The following CACNA2D1 variants were observed in gnomAD, a reference collection of about 807,000 sequenced individuals.
The protein encoded by CACNA2D1 is calcium voltage-gated channel auxiliary subunit alpha2delta 1, also known as voltage-dependent calcium channel subunit alpha-2/delta-1.
CACNA2D1 carries 53 observed loss-of-function variants against 171.5 expected under a neutral mutation model. That is an observed-to-expected ratio of 0.31 (90% CI 0.25 to 0.39). CACNA2D1 has a LOEUF of 0.39. CACNA2D1 is among the 10% of genes least tolerant of loss of function. The pLI, the probability that CACNA2D1 is intolerant of heterozygous loss-of-function variation, is 1.00. For missense variants in CACNA2D1, 903 were observed against 1,299.8 expected (o/e 0.69, Z 4.69); for synonymous variants, 442 against 443.1 (o/e 1.00, Z 0.03).
intron 4 of CACNA2D1, among the ~76,000 whole-genome samples, chr7:82,154,344 G>A (rs561686616): frequency 6.6e-6 from 1 of 152,214 alleles, no homozygotes; most frequent in East Asian, 1.9e-4. Context: ...AGAGAACAAA[G>A]AACCTGAGAT....
chr7:82,325,032 G>A (rs1816476467), intron 3 of CACNA2D1, among the ~76,000 whole-genome samples: 1 of 152,180 alleles, frequency 6.6e-6, no homozygotes, highest in Non-Finnish European at 1.5e-5. Context: ...GCTGTCAGCA[G>A]AAAACATGCA....
intron 6 of CACNA2D1, among the ~76,000 whole-genome samples, chr7:82,102,978 G>A (rs898392166): frequency 5.3e-5 from 8 of 151,990 alleles, no homozygotes; most frequent in Admixed American, 2.0e-4. Context: ...TAGAAAATCC[G>A]TGACTTTTAA....
chr7:82,322,738 A>G (rs1816150630), intron 3 of CACNA2D1, among the ~76,000 whole-genome samples: 1 of 152,266 alleles, frequency 6.6e-6, no homozygotes, highest in Non-Finnish European at 1.5e-5. Flanking sequence ...AAAGAATCAT[A>G]GAAATCTTAT....
At chr7:82,168,605 A>G (rs1183212489) in intron 4 of CACNA2D1, among the ~76,000 whole-genome samples, 4 of 152,080 alleles carry the variant, frequency 2.6e-5, no homozygotes, top group Non-Finnish European at 5.9e-5. Context: ...AGAAAACAAA[A>G]TAATTGCCAA....
chr7:82,331,788 A>G (rs1817329258), intron 3 of CACNA2D1, among the ~76,000 whole-genome samples: 1 of 152,164 alleles, frequency 6.6e-6, no homozygotes, highest in African/African-American at 2.4e-5. Flanking sequence ...TTAAGAGACT[A>G]TGATGTCCAA....
intron 10 of CACNA2D1, among the ~76,000 whole-genome samples, chr7:82,048,755 T>C (rs116777790): frequency 0.01 from 1,553 of 152,192 alleles, 26 homozygotes; most frequent in African/African-American, 0.036. Context: ...CCTACATCTA[T>C]TGCTCAGGCC....
chr7:82,407,777 T>C (rs867202662), intron 1 of CACNA2D1, among the ~76,000 whole-genome samples: 1 of 152,154 alleles, frequency 6.6e-6, no homozygotes, highest in Non-Finnish European at 1.5e-5. Flanking sequence ...CTGTAGAACA[T>C]AGTATTTGTT....
At chr7:82,383,572 A>T (rs1050456571) in intron 1 of CACNA2D1, among the ~76,000 whole-genome samples, 7 of 152,214 alleles carry the variant, frequency 4.6e-5, no homozygotes, top group Non-Finnish European at 1.0e-4. Flanking sequence ...CTTCATACAT[A>T]CAAAATGAAA....
intron 20 of CACNA2D1, among the ~76,000 whole-genome samples, chr7:81,993,358 A>G (rs1403851020): frequency 2.6e-5 from 4 of 152,176 alleles, no homozygotes; most frequent in Non-Finnish European, 2.9e-5. Flanking sequence ...TAGCTCATCA[A>G]TATGGAACAT....
At chr7:82,265,859 G>T (rs2129340616) in intron 3 of CACNA2D1, among the ~76,000 whole-genome samples, 1 of 152,100 alleles carries the variant, frequency 6.6e-6, no homozygotes, top group Non-Finnish European at 1.5e-5. Flanking sequence ...AGGCAATAAA[G>T]AATCTCTTAG....
chr7:82,094,313 A>T (rs1356454392), intron 6 of CACNA2D1, among the ~76,000 whole-genome samples: 3 of 152,240 alleles, frequency 2.0e-5, no homozygotes, highest in Non-Finnish European at 4.4e-5. Context: ...TAAAGGTATG[A>T]ATGAACTCAA....
chr7:82,223,474 T>C (rs1233970375), intron 3 of CACNA2D1, among the ~76,000 whole-genome samples: 2 of 152,204 alleles, frequency 1.3e-5, no homozygotes, highest in Non-Finnish European at 2.9e-5. Context: ...TAATTTTCTT[T>C]TCTCTTTTAC....
intron 24 of CACNA2D1, 83 bp from the exon 25 acceptor site, chr7:81,974,635 T>C (rs1795641691): frequency 4.2e-6 from 3 of 709,496 alleles, no homozygotes; most frequent in Non-Finnish European, 7.2e-6. Flanking sequence ...CACTATTTTT[T>C]TTTTTTATTA....
rs544493210 is a variant in CACNA2D1, at chr7:82,124,015, C to T, written c.397-6842G>A. Among the ~76,000 whole-genome samples, 501 of 151,980 alleles carry T rather than the reference C, an allele frequency of 3.3e-3. 6 individuals carry two copies. The highest frequency in any genetic ancestry group is 0.028 in the South Asian group (135 of 4,800). ...ACGTATCACATCAAAAATATTTAAA[C>T]CATTTATTTTAGAAGCAAAAAGAAC... On this transcript the variant is annotated intron_variant, in intron 5 of 38. Transcript: ENST00000356860.
intron 12 of CACNA2D1, among the ~76,000 whole-genome samples, chr7:82,020,314 G>A (rs1200682080): frequency 6.6e-6 from 1 of 152,102 alleles, no homozygotes; most frequent in African/African-American, 2.4e-5. Flanking sequence ...ATGAGGTTAC[G>A]GAATTCAGAC....
At chr7:82,184,125 A>T (rs1430548196) in intron 3 of CACNA2D1, among the ~76,000 whole-genome samples, 3 of 150,496 alleles carry the variant, frequency 2.0e-5, no homozygotes, top group African/African-American at 7.3e-5. Context: ...ACGGTAGGCA[A>T]ATTTTCTGTT....
chr7:81,964,287 TAAA>T lies in CACNA2D1; in HGVS notation c.2644_2646del (p.Phe882del). ...ACTGACTGATAATCATAAGATTTGT[TAAA>T]AGCATAAACTGATATATTAACCAGG... is the stretch of plus-strand genomic sequence containing the variant. On this transcript the variant is annotated inframe_deletion, in exon 33 of 39. Coordinates refer to ENST00000356860, the MANE Select transcript of CACNA2D1 (RefSeq NM_000722.4). 3 of 1,612,438 alleles carry T rather than the reference TAAA, an allele frequency of 1.9e-6. No homozygotes were observed. Among genetic ancestry groups the T allele is most frequent in the Non-Finnish European group, 2.5e-6 (3 of 1,178,936 alleles).
intron 11 of CACNA2D1, 182 bp from the exon 12 acceptor site, chr7:82,033,083 CT>C: frequency 1.9e-6 from 1 of 525,006 alleles, no homozygotes; most frequent in Non-Finnish European, 3.4e-6. Flanking sequence ...AGGCCTTCCC[CT>C]CACCACCCAG....
intron 3 of CACNA2D1, among the ~76,000 whole-genome samples, chr7:82,313,957 T>C (rs924390880): frequency 1.3e-5 from 2 of 152,204 alleles, no homozygotes; most frequent in African/African-American, 4.8e-5. Context: ...ATGTCAATGA[T>C]TTAGATCAAT....
Sources: gnomAD v4.1 joint callset for allele counts (sites outside exome capture counted in the v4.1 genomes callset) on GRCh38, gnomAD v4.1.1 for gene constraint, MANE v1.5 for transcripts, NCBI Gene and HGNC (gene_info 2026-07-23, HGNC 2026-07-21) for gene names.